MAGI1: variants seen among roughly 807,000 people sequenced by gnomAD.
MAGI1 encodes the protein membrane-associated guanylate kinase, WW and PDZ domain-containing protein 1.
MAGI1 carries 58 observed loss-of-function variants against 139.9 expected under a neutral mutation model. The observed-to-expected ratio is 0.41, with a 90% CI of 0.34 to 0.52. The LOEUF (loss-of-function observed/expected upper bound fraction) is 0.52, where lower values mean the gene tolerates loss of function less well. Among genes scored for constraint, MAGI1 ranks in the 20% least tolerant of loss-of-function variants. The pLI is 0.12. For missense variants in MAGI1, 1,874 were observed against 1,901.6 expected, an observed-to-expected ratio of 0.99 and a Z score of 0.27; for synonymous variants, 812 against 737.9, an observed-to-expected ratio of 1.10 and a Z score of -1.63.
At chr3:65,912,015 T>C (rs2061689818) in intron 1 of MAGI1, among the ~76,000 whole-genome samples, 1 of 152,178 alleles carries the variant, frequency 6.6e-6, no homozygotes, top group South Asian at 2.1e-4. Flanking sequence ...AAGTGTGCCC[T>C]TGAAAGCCTA....
chr3:65,985,453 C>T (rs2065832939), intron 1 of MAGI1, among the ~76,000 whole-genome samples: 1 of 152,148 alleles, frequency 6.6e-6, no homozygotes, highest in African/African-American at 2.4e-5. Flanking sequence ...GAAATGTACA[C>T]ACCAAGCAAT....
At chr3:65,737,031 A>C (rs2034804494) in intron 1 of MAGI1, among the ~76,000 whole-genome samples, 1 of 150,726 alleles carries the variant, frequency 6.6e-6, no homozygotes, top group Non-Finnish European at 1.5e-5. Context: ...TTTGAGACGG[A>C]GTCTCGCTCT....
intron 9 of MAGI1, among the ~76,000 whole-genome samples, chr3:65,438,145 A>G (rs918609848): frequency 2.0e-5 from 3 of 152,200 alleles, no homozygotes; most frequent in African/African-American, 7.2e-5. Context: ...ATCAGTGGAT[A>G]ACTGGATAAA....
At chr3:65,731,039 A>G (rs1019459130) in intron 1 of MAGI1, among the ~76,000 whole-genome samples, 4 of 152,154 alleles carry the variant, frequency 2.6e-5, no homozygotes, top group Non-Finnish European at 5.9e-5. Flanking sequence ...TAGTTACTGG[A>G]TAACTCAAAA....
intron 1 of MAGI1, among the ~76,000 whole-genome samples, chr3:65,710,954 A>T (rs1005993571): frequency 6.6e-6 from 1 of 152,162 alleles, no homozygotes; most frequent in Non-Finnish European, 1.5e-5. Flanking sequence ...CCCTAAATAT[A>T]GACCTTCAAC....
rs563198408 is a variant in MAGI1 at position 65,499,998 on chromosome 3, A to G, written c.431-6367T>C. Among the ~76,000 whole-genome samples the G allele has an allele frequency of 3.3e-5, 5 of 151,738 alleles. No individual in the cohort carries two copies. The South Asian group carries it at 1.0e-3, about 32-fold the overall frequency. On this transcript the variant is annotated intron_variant, in intron 2 of 22. Coordinates refer to ENST00000402939, the MANE Select transcript of MAGI1 (RefSeq NM_001033057.2). ...TTAAGACCTGATTCTTGGATATTTT[A>G]TTCAAGTACTTTCAAAAGTAACTTA...
intron 5 of MAGI1, among the ~76,000 whole-genome samples, chr3:65,468,445 G>A (rs1188751283): frequency 1.2e-4 from 16 of 130,642 alleles, no homozygotes; most frequent in Admixed American, 7.7e-4. Context: ...GTGCAATCTC[G>A]GCTCACTGCA....
intron 1 of MAGI1, among the ~76,000 whole-genome samples, chr3:65,911,346 T>C (rs1224405179): frequency 6.6e-6 from 1 of 151,998 alleles, no homozygotes; most frequent in Non-Finnish European, 1.5e-5. Context: ...GGGTTGGAGT[T>C]GGCTCATCCT....
At chr3:65,363,698 T>G in intron 20 of MAGI1, 90 bp from the exon 21 acceptor site, 25 of 1,059,204 alleles carry the variant, frequency 2.4e-5, no homozygotes, top group Non-Finnish European at 3.2e-5. Flanking sequence ...GCACAATCTC[T>G]ATCCCCCTCT....
In MAGI1 at chr3:65,379,275, G is replaced by C. The variant is rs771985580; in HGVS notation, c.2981C>G (p.Ala994Gly). 1.9e-6 allele frequency: 3 copies of C among 1,612,354 alleles called. No individual in the cohort carries two copies. The highest frequency in any genetic ancestry group is 2.5e-6 in the Non-Finnish European group (3 of 1,179,194). ...TCAGCACTCACCAAAGGTCGTGCCT[G>C]CTTCGGGCCTGCTCACCGAGGACAC... ...VIVSSVSRPE[A>G]GTTFGNACVA... is the part of the protein sequence containing the mutation. Residue 994 changes from alanine (A) to glycine (G), a missense_variant, in exon 17 of 23, where the codon GCA becomes GGA. Coordinates refer to ENST00000402939, the MANE Select transcript of MAGI1 (RefSeq NM_001033057.2).
chr3:65,689,923 C>G (rs115419962), intron 1 of MAGI1, among the ~76,000 whole-genome samples: 1 of 152,188 alleles, frequency 6.6e-6, no homozygotes, highest in Non-Finnish European at 1.5e-5. Flanking sequence ...GCATACGTGT[C>G]TGCTGCTTCT....
At chr3:65,467,236 T>C (rs886566526) in intron 5 of MAGI1, among the ~76,000 whole-genome samples, 5 of 152,226 alleles carry the variant, frequency 3.3e-5, no homozygotes, top group Non-Finnish European at 7.3e-5. Context: ...TTCTTTTAAA[T>C]TTCTACTATT....
intron 1 of MAGI1, among the ~76,000 whole-genome samples, chr3:66,011,701 C>T (rs748430143): frequency 9.9e-5 from 15 of 152,194 alleles, no homozygotes; most frequent in South Asian, 2.1e-4. Flanking sequence ...TTGGTTGAGA[C>T]GACTTCACAG....
At chr3:65,374,777 T>A (rs1483449662) in intron 18 of MAGI1, among the ~76,000 whole-genome samples, 1 of 152,184 alleles carries the variant, frequency 6.6e-6, no homozygotes, top group East Asian at 1.9e-4. Flanking sequence ...AATGCCAATG[T>A]TCCCTGGGGG....
chr3:65,885,822 T>C (rs574302110), intron 1 of MAGI1, among the ~76,000 whole-genome samples: 3 of 152,330 alleles, frequency 2.0e-5, no homozygotes, highest in African/African-American at 7.2e-5. Context: ...ATGTGTGTAC[T>C]AGCAGCGTGA....
Position 65,429,656 on chromosome 3 carries a change from G to A in MAGI1, c.2031C>T (p.Cys677=). Residue 677 remains cysteine (C), a synonymous_variant, in exon 12 of 23, where the codon TGC becomes TGT. Transcript: ENST00000402939. ...RVKQIVDSPR[C]RGLKEGDLIV... ...TGAGATCCCCTTCTTTCAGGCCTCG[G>A]CACCTTGGGCTGTCAACAATCTGTT... 3.7e-6 allele frequency: 6 copies of A among 1,613,858 alleles called. No individual in the cohort carries two copies. The highest frequency in any genetic ancestry group is 5.1e-6 in the Non-Finnish European group (6 of 1,179,932).
intron 5 of MAGI1, among the ~76,000 whole-genome samples, chr3:65,467,372 T>G (rs1950239315): frequency 6.6e-6 from 1 of 152,224 alleles, no homozygotes; most frequent in Admixed American, 6.5e-5. Flanking sequence ...CAATGGAAGA[T>G]ATCCTAAAAA....
chr3:65,986,482 G>A (rs1023073381), intron 1 of MAGI1, among the ~76,000 whole-genome samples: 2 of 152,206 alleles, frequency 1.3e-5, no homozygotes, highest in African/African-American at 4.8e-5. Flanking sequence ...GAGCAGGACA[G>A]CCAGTCCTAA....
At chr3:65,922,726 C>T (rs1177899651) in intron 1 of MAGI1, among the ~76,000 whole-genome samples, 7 of 152,166 alleles carry the variant, frequency 4.6e-5, no homozygotes, top group African/African-American at 1.2e-4. Context: ...GATGAATCAA[C>T]GGAGCATTGC....
Sources: gnomAD v4.1 joint callset for allele counts (sites outside exome capture counted in the v4.1 genomes callset) on GRCh38, gnomAD v4.1.1 for gene constraint, MANE v1.5 for transcripts, NCBI Gene and HGNC (gene_info 2026-07-23, HGNC 2026-07-21) for gene names.